SYT14: variants seen among roughly 807,000 people sequenced by gnomAD.
SYT14 encodes synaptotagmin-14.
A neutral mutation model predicts 74.2 loss-of-function variants in SYT14; 32 were observed. The ratio of observed to expected loss-of-function variants is 0.43; its 90% CI spans 0.33 to 0.58. The LOEUF is 0.58. Ranked by LOEUF, SYT14 falls within the 20% of genes least tolerant of loss-of-function variation. SYT14 has a pLI of 0.05. For synonymous variants in SYT14, 298 were observed against 337.7 expected (o/e 0.88, Z 1.29); for missense variants, 791 against 981.8 (o/e 0.81, Z 2.60).
intron 2 of SYT14, among the ~76,000 whole-genome samples, chr1:209,986,424 T>C (rs554915688): frequency 6.6e-6 from 1 of 152,062 alleles, no homozygotes; most frequent in East Asian, 2.0e-4. Context: ...GCTAACATGC[T>C]GAAACCCTGC....
intron 5 of SYT14, among the ~76,000 whole-genome samples, chr1:210,051,536 T>C (rs1460893444): frequency 1.3e-5 from 2 of 152,186 alleles, no homozygotes; most frequent in Non-Finnish European, 2.9e-5. Context: ...CCTGTGTAGA[T>C]AACCACTTTT....
At chr1:209,967,579 G>A (rs950244070) in intron 2 of SYT14, among the ~76,000 whole-genome samples, 9 of 152,092 alleles carry the variant, frequency 5.9e-5, no homozygotes, top group Middle Eastern at 6.8e-3. Context: ...TTTCATCTAA[G>A]TTGTTGGATT....
intron 5 of SYT14, among the ~76,000 whole-genome samples, chr1:210,041,528 CTTAATA>C (rs2080788690): frequency 6.6e-6 from 1 of 152,000 alleles, no homozygotes. Flanking sequence ...TACATTAATG[CTTAATA>C]TTAATAACTG....
intron 7 of SYT14, among the ~76,000 whole-genome samples, chr1:210,105,024 T>G (rs2102560070): frequency 6.6e-6 from 1 of 152,274 alleles, no homozygotes; most frequent in Middle Eastern, 3.4e-3. Context: ...TTAAGTTTTT[T>G]TTTCTGTAGA....
chr1:209,997,507 G>C (rs1234004474), intron 2 of SYT14, among the ~76,000 whole-genome samples: 1 of 152,028 alleles, frequency 6.6e-6, no homozygotes, highest in Non-Finnish European at 1.5e-5. Flanking sequence ...CTCATGAATT[G>C]GAAGAATTAA....
chr1:210,138,878 A>G (rs538331219), intron 7 of SYT14, among the ~76,000 whole-genome samples: 1 of 152,280 alleles, frequency 6.6e-6, no homozygotes, highest in South Asian at 2.1e-4. Flanking sequence ...CTCTTTATTG[A>G]TTTTATACAT....
chr1:210,091,803 ATTAAT>A (rs766970317), intron 5 of SYT14, among the ~76,000 whole-genome samples: 1 of 152,136 alleles, frequency 6.6e-6, no homozygotes, highest in Non-Finnish European at 1.5e-5. Context: ...ATGGCTTCTG[ATTAAT>A]TTAAGCCAAT....
At chr1:209,981,936 A>G (rs2102802762) in intron 2 of SYT14, among the ~76,000 whole-genome samples, 1 of 151,548 alleles carries the variant, frequency 6.6e-6, no homozygotes, top group South Asian at 2.1e-4. Flanking sequence ...CAGTCTGGTG[A>G]CTATGTGCCT....
intron 5 of SYT14, among the ~76,000 whole-genome samples, chr1:210,066,911 A>T (rs1269183043): frequency 6.6e-6 from 1 of 152,038 alleles, no homozygotes. Context: ...TGTCATAAAA[A>T]ATTTTTCATT....
intron 3 of SYT14, among the ~76,000 whole-genome samples, chr1:210,014,031 T>G (rs186821494): frequency 1.3e-5 from 2 of 152,284 alleles, no homozygotes; most frequent in African/African-American, 4.8e-5. Flanking sequence ...TTTTAATTTT[T>G]CGTATGTAAG....
At chr1:210,045,716 A>C (rs1048955165) in intron 5 of SYT14, among the ~76,000 whole-genome samples, 2 of 152,214 alleles carry the variant, frequency 1.3e-5, no homozygotes, top group Non-Finnish European at 2.9e-5. Flanking sequence ...AGGAGACTGT[A>C]TAAAACCAAA....
chr1:210,076,779 A>T (rs2081508931), intron 5 of SYT14, among the ~76,000 whole-genome samples: 1 of 152,168 alleles, frequency 6.6e-6, no homozygotes, highest in South Asian at 2.1e-4. Flanking sequence ...GCCAAATCTC[A>T]TGATAACTCA....
rs539152746 is a variant in SYT14, at chr1:209,969,632, C to T, written c.-486+16876C>T. Among the ~76,000 whole-genome samples, 213 of 151,762 alleles carry T rather than the reference C, an allele frequency of 1.4e-3. 3 individuals carry two copies. The highest frequency in any genetic ancestry group is 2.1e-3 in the Non-Finnish European group (140 of 67,920). On this transcript the variant is annotated intron_variant, in intron 2 of 9. Coordinates refer to ENST00000637265, the Ensembl canonical transcript of SYT14. ...CCTCCCAAGTAGCTGGGACTACAGG[C>T]GCGTGCCACCACACTGGGCTAATTT...
intron 2 of SYT14, among the ~76,000 whole-genome samples, chr1:209,979,671 C>T (rs2079444613): frequency 6.6e-6 from 1 of 152,102 alleles, no homozygotes; most frequent in Non-Finnish European, 1.5e-5. Context: ...GTTCTCATCA[C>T]TCACCTCCCA....
At position 210,170,902 on chromosome 1, in the gene SYT14, C is replaced by T. The variant is rs546906664; in HGVS notation, c.*9860C>T. On this transcript the variant is annotated 3_prime_UTR_variant, in exon 10 of 10. Coordinates refer to ENST00000637265, the Ensembl canonical transcript of SYT14. ...TCCAAAGAAAATAGACTTACAAATG[C>T]AAACATTTAAAAATATTCTCCTTTA... is the stretch of plus-strand genomic sequence containing the variant. 9.9e-5 allele frequency: 15 copies of T among 152,164 alleles called. No homozygotes were observed. In the South Asian group the frequency reaches 3.1e-3, roughly 32 times the overall value. 9.4% of individuals were successfully genotyped at this position (152,164 alleles called of 1,614,324 possible).
In SYT14 at chr1:209,938,289, C is replaced by T. The variant is rs1364730667; in HGVS notation, c.-534+12C>T. 1 of 1,556,920 alleles carries T rather than the reference C, an allele frequency of 6.4e-7. No homozygotes were observed. The highest frequency in any genetic ancestry group is 1.4e-5 in the African/African-American group (1 of 70,962). ...CATGGCGATTGAAGGTAAGTGGAGG[C>T]TGACAGCGGGGAGCGAGGACCGGGA... On this transcript the variant is annotated intron_variant, in intron 1 of 9. Transcript: ENST00000637265.
chr1:210,116,701 CTG>C (rs1294374753), intron 7 of SYT14, among the ~76,000 whole-genome samples: 1 of 152,104 alleles, frequency 6.6e-6, no homozygotes, highest in African/African-American at 2.4e-5. Flanking sequence ...AGAAGAGAGA[CTG>C]TTTTATTTAT....
chr1:210,013,057 A>T (rs906643646), intron 2 of SYT14, among the ~76,000 whole-genome samples: 2 of 149,708 alleles, frequency 1.3e-5, no homozygotes. Context: ...GATTAAACAT[A>T]TGATGATTGC....
At chr1:209,954,077 T>C (rs1256410066) in intron 2 of SYT14, among the ~76,000 whole-genome samples, 1 of 152,224 alleles carries the variant, frequency 6.6e-6, no homozygotes, top group African/African-American at 2.4e-5. Context: ...TTTTTAAAAC[T>C]TTTAATTTGC....
Sources: gnomAD v4.1 joint callset for allele counts (sites outside exome capture counted in the v4.1 genomes callset) on GRCh38, gnomAD v4.1.1 for gene constraint, MANE v1.5 for transcripts, NCBI Gene and HGNC (gene_info 2026-07-23, HGNC 2026-07-21) for gene names.